The following PRMT8 variants were observed in gnomAD, a reference collection of about 807,000 sequenced individuals.
PRMT8 encodes the protein protein arginine methyltransferase 8.
Under a neutral mutation model 47.1 loss-of-function variants are expected in PRMT8, and 7 were observed. The observed-to-expected ratio is 0.15, with a 90% CI of 0.08 to 0.28. PRMT8 has a LOEUF of 0.28. Ranked by LOEUF, PRMT8 falls within the 10% of genes least tolerant of loss-of-function variation. The pLI is 1.00. For synonymous variants in PRMT8, 188 were observed against 186.5 expected (o/e 1.01, Z -0.07); for missense variants, 237 against 505.4 (o/e 0.47, Z 5.09).
In PRMT8 at chr12:3,572,643, C is replaced by T. The variant is rs1866868154; in HGVS notation, c.712+3079C>T. 6.6e-6 allele frequency among the ~76,000 whole-genome samples: 1 copy of T among 152,212 alleles called. No individual in the cohort carries two copies. Among genetic ancestry groups the T allele is most frequent in the Non-Finnish European group, 1.5e-5 (1 of 68,038 alleles). ...TCCTCTGGTTCCAGCCCATTTTATG[C>T]AAGGATTCCACTTTCTTCATGAGAG... On this transcript the variant is annotated intron_variant, in intron 6 of 9. Coordinates refer to ENST00000382622, the MANE Select transcript of PRMT8 (RefSeq NM_019854.5). This position sits in a 1 kb window ranked among gnomAD's most constrained non-coding sequence, Gnocchi z 5.9.
chr12:3,579,040 T>A (rs1867002172), intron 7 of PRMT8, among the ~76,000 whole-genome samples: 1 of 152,108 alleles, frequency 6.6e-6, no homozygotes, highest in African/African-American at 2.4e-5. Flanking sequence ...TTTCTACCAG[T>A]CCCTCTGTCC....
chr12:3,586,276 C>A (rs1202940853), intron 8 of PRMT8, among the ~76,000 whole-genome samples: 1 of 152,156 alleles, frequency 6.6e-6, no homozygotes, highest in Non-Finnish European at 1.5e-5. Flanking sequence ...GACATCGGCT[C>A]TGGGCTGCCT....
intron 4 of PRMT8, among the ~76,000 whole-genome samples, chr12:3,559,905 G>A (rs572537422): frequency 6.6e-6 from 1 of 152,304 alleles, no homozygotes; most frequent in South Asian, 2.1e-4. Context: ...TTATGCTCTG[G>A]GTTTTGATGG....
intron 7 of PRMT8, among the ~76,000 whole-genome samples, chr12:3,579,804 A>G (rs1445099962): frequency 6.6e-6 from 1 of 152,132 alleles, no homozygotes. Context: ...CGAGACATCC[A>G]TTTCTAACAT....
intron 1 of PRMT8, among the ~76,000 whole-genome samples, chr12:3,452,763 C>T (rs912345995): frequency 5.9e-5 from 9 of 152,156 alleles, no homozygotes; most frequent in Admixed American, 2.6e-4. Flanking sequence ...ATGGTGAAGA[C>T]CTGGACTGGG....
At chr12:3,517,628 A>G (rs531349584) in intron 1 of PRMT8, among the ~76,000 whole-genome samples, 11 of 152,238 alleles carry the variant, frequency 7.2e-5, no homozygotes, top group Non-Finnish European at 1.3e-4. Flanking sequence ...GAGGTGTGCA[A>G]GAAACCTCCA....
At chr12:3,567,930 G>A (rs1034317550) in intron 4 of PRMT8, among the ~76,000 whole-genome samples, 7 of 152,176 alleles carry the variant, frequency 4.6e-5, no homozygotes, top group East Asian at 1.9e-4. Context: ...AAAATTAGCC[G>A]GGCGTGGTGG....
At chr12:3,575,968 C>T (rs1195818419) in intron 6 of PRMT8, among the ~76,000 whole-genome samples, 3 of 152,084 alleles carry the variant, frequency 2.0e-5, no homozygotes, top group African/African-American at 7.2e-5. Flanking sequence ...GCAGTGAGCC[C>T]AGATTAGGCC....
chr12:3,467,705 G>A (rs1298933109), intron 1 of PRMT8, among the ~76,000 whole-genome samples: 2 of 152,208 alleles, frequency 1.3e-5, no homozygotes, highest in African/African-American at 4.8e-5. Flanking sequence ...GCAGATAGAC[G>A]TAGGAGCATT....
rs1188323557 is a variant in PRMT8 at position 3,552,655 on chromosome 12, G to A, written c.418-996G>A. 4.5e-6 allele frequency: 2 copies of A among 446,710 alleles called. No homozygotes were observed. The highest frequency in any genetic ancestry group is 4.0e-5 in the African/African-American group (2 of 49,882). The allele number at this position is 446,710 out of a possible 1,614,324, so 27.7% of individuals were successfully genotyped here. A position where few individuals can be genotyped will look rare whatever the true frequency, so the allele number is the denominator to read the frequency against. ...GGGACCTGCACCCTGGCTGGAGTCG[G>A]CCTCCTTGGATGCAGCTCTAACCAA... is the stretch of plus-strand genomic sequence containing the variant. On this transcript the variant is annotated intron_variant, in intron 3 of 9. Transcript: ENST00000382622. This position sits in a 1 kb window ranked among gnomAD's most constrained non-coding sequence, Gnocchi z 4.5.
chr12:3,452,676 A>G (rs970469978), intron 1 of PRMT8, among the ~76,000 whole-genome samples: 4 of 152,200 alleles, frequency 2.6e-5, no homozygotes, highest in East Asian at 1.9e-4. Context: ...TCCTAGGAAC[A>G]GGGTCTGCTG....
Position 3,492,935 on chromosome 12 carries a change from T to C in PRMT8, c.75+1235T>C, listed in dbSNP as rs2137113207. 6.6e-6 allele frequency among the ~76,000 whole-genome samples: 1 copy of C among 152,190 alleles called. No homozygotes were observed. Among genetic ancestry groups the C allele is most frequent in the South Asian group, 2.1e-4 (1 of 4,810 alleles). ...CGGGGATGGGGGTGTGGCGCGGGGA[T>C]TGTCCCTCTGTCTTGCCGGAATGCA... On this transcript the variant is annotated intron_variant, in intron 1 of 9. Coordinates refer to ENST00000382622, the MANE Select transcript of PRMT8 (RefSeq NM_019854.5). The surrounding 1 kb of genome is among the most constrained non-coding windows in gnomAD (Gnocchi z 7.5).
intron 1 of PRMT8, 61 bp from the exon 2 acceptor site, chr12:3,540,545 G>C: frequency 8.7e-7 from 1 of 1,149,802 alleles, no homozygotes; most frequent in East Asian, 2.4e-5. Context: ...AGGACCGCAA[G>C]CCTCCGAGGG....
chr12:3,385,242 G>T (rs1257888426), intron 1 of PRMT8, among the ~76,000 whole-genome samples: 1 of 152,102 alleles, frequency 6.6e-6, no homozygotes, highest in Non-Finnish European at 1.5e-5. Context: ...CCATTTTACT[G>T]ATGAGGAAAT....
intron 4 of PRMT8, among the ~76,000 whole-genome samples, chr12:3,562,709 G>C (rs1866657499): frequency 6.6e-6 from 1 of 152,146 alleles, no homozygotes; most frequent in African/African-American, 2.4e-5. Context: ...TTACACCACG[G>C]ACATTGGCGG....
intron 1 of PRMT8, among the ~76,000 whole-genome samples, chr12:3,422,341 C>A (rs1452032760): frequency 6.6e-6 from 1 of 152,202 alleles, no homozygotes; most frequent in Admixed American, 6.5e-5. Context: ...TAAATTTTGG[C>A]TTTGCCTCAA....
chr12:3,524,808 TCAA>T (rs1865928500), intron 1 of PRMT8, among the ~76,000 whole-genome samples: 1 of 152,160 alleles, frequency 6.6e-6, no homozygotes, highest in African/African-American at 2.4e-5. Context: ...TGCTTGCCTA[TCAA>T]ACACCCAATC....
intron 1 of PRMT8, among the ~76,000 whole-genome samples, chr12:3,452,878 G>A (rs16930499): frequency 0.11 from 16,322 of 152,268 alleles, 969 homozygotes; most frequent in Middle Eastern, 0.14. Flanking sequence ...TGAGAAGTCA[G>A]CATCTTTAAG....
chr12:3,452,528 G>C (rs1255794712), intron 1 of PRMT8, among the ~76,000 whole-genome samples: 3 of 152,210 alleles, frequency 2.0e-5, no homozygotes, highest in African/African-American at 7.2e-5. Flanking sequence ...GGGATCACCT[G>C]TCCAGGGGCA....
Sources: gnomAD v4.1 joint callset for allele counts (sites outside exome capture counted in the v4.1 genomes callset) on GRCh38, gnomAD v4.1.1 for gene constraint, Gnocchi (gnomAD v3.1) non-coding constraint, MANE v1.5 for transcripts, NCBI Gene and HGNC (gene_info 2026-07-23, HGNC 2026-07-21) for gene names.